The following CANX variants were observed in gnomAD, a reference collection of about 807,000 sequenced individuals.
The protein encoded by CANX is calnexin, also known as epididymis secretory sperm binding protein.
In CANX, 14 loss-of-function variants were observed where a neutral mutation model predicts 75.7. The observed-to-expected ratio is 0.19, with a 90% CI of 0.12 to 0.29. The LOEUF is 0.29. Ranked by LOEUF, CANX falls within the 10% of genes least tolerant of loss-of-function variation. CANX has a pLI of 1.00. For synonymous variants in CANX, 227 were observed against 236.9 expected (o/e 0.96, Z 0.38); for missense variants, 567 against 713.2 (o/e 0.79, Z 2.34).
At chr5:179,695,376 C>A (rs1304373021), upstream of CANX, among the ~76,000 whole-genome samples, 2 of 151,910 alleles carry the variant, frequency 1.3e-5, no homozygotes, top group Admixed American at 6.6e-5. Context: ...GTTGCCCAGG[C>A]TGGAGTGCAA....
intron 7 of CANX, among the ~76,000 whole-genome samples, chr5:179,714,813 G>C (rs1562493330): frequency 6.6e-6 from 1 of 152,074 alleles, no homozygotes; most frequent in South Asian, 2.1e-4. Flanking sequence ...CACTGCGCCC[G>C]GCCCTTTTTT....
At chr5:179,713,758 AAAAT>A (rs1777735303) in intron 7 of CANX, among the ~76,000 whole-genome samples, 3 of 151,568 alleles carry the variant, frequency 2.0e-5, no homozygotes, top group Admixed American at 1.3e-4. Flanking sequence ...TTCCTACAAA[AAAAT>A]AATTATTCAG....
intron 1 of CANX, among the ~76,000 whole-genome samples, chr5:179,691,902 C>T (rs957746692): frequency 2.0e-5 from 3 of 151,848 alleles, no homozygotes; most frequent in Non-Finnish European, 4.4e-5. Flanking sequence ...CTCAGCCTCC[C>T]GAGTAGCTGG....
upstream of CANX, chr5:179,694,216 A>G (rs1776351303): frequency 5.5e-6 from 2 of 361,040 alleles, no homozygotes; most frequent in Non-Finnish European, 1.0e-5. Context: ...GGTGACCCCA[A>G]GAAACCAAAG....
chr5:179,703,560 T>C (rs1310817500), intron 1 of CANX, among the ~76,000 whole-genome samples: 3 of 152,044 alleles, frequency 2.0e-5, no homozygotes, highest in African/African-American at 7.2e-5. Flanking sequence ...ACCTTAGCCT[T>C]CTTAGTATCT....
upstream of CANX, among the ~76,000 whole-genome samples, chr5:179,697,899 AAT>A (rs1471239644): frequency 1.3e-5 from 2 of 152,112 alleles, no homozygotes; most frequent in African/African-American, 2.4e-5. Flanking sequence ...AAAAAATAAA[AAT>A]AAAAAAAATT....
exon 1 of CANX, chr5:179,678,694 G>C (rs750194507): frequency 5.2e-6 from 8 of 1,536,718 alleles, no homozygotes; most frequent in East Asian, 2.4e-5. Context: ...GGATCACCTC[G>C]GGGTTGCGCT....
intron 4 of CANX, among the ~76,000 whole-genome samples, chr5:179,707,532 C>T (rs1232489718): frequency 2.8e-5 from 4 of 142,078 alleles, no homozygotes; most frequent in Admixed American, 7.6e-5. Context: ...TGCAGTGAGC[C>T]GAGAACGCGC....
At chr5:179,699,256 G>A (rs1243162385) in intron 1 of CANX, among the ~76,000 whole-genome samples, 154 bp downstream of exon 1, 1 of 152,152 alleles carries the variant, frequency 6.6e-6, no homozygotes, top group African/African-American at 2.4e-5. Flanking sequence ...CGCCGTGAGC[G>A]AGGAGGCCCG....
chr5:179,711,708 G>C (rs1777565273), intron 7 of CANX, among the ~76,000 whole-genome samples: 1 of 149,366 alleles, frequency 6.7e-6, no homozygotes, highest in East Asian at 2.0e-4. Flanking sequence ...AGAATTGCTT[G>C]AACCCTGGAA....
upstream of CANX, among the ~76,000 whole-genome samples, chr5:179,697,739 A>C (rs1227752279): frequency 1.3e-5 from 2 of 152,008 alleles, no homozygotes; most frequent in East Asian, 3.9e-4. Context: ...TAAAATACAA[A>C]AATTAGCCGG....
chr5:179,679,544 G>C (rs1293133907), intron 1 of CANX, among the ~76,000 whole-genome samples: 1 of 152,214 alleles, frequency 6.6e-6, no homozygotes, highest in Non-Finnish European at 1.5e-5. Flanking sequence ...TGAGGGGTAG[G>C]GAATGGTAGC....
intron 7 of CANX, among the ~76,000 whole-genome samples, chr5:179,714,138 A>G (rs1217394277): frequency 6.6e-6 from 1 of 152,120 alleles, no homozygotes; most frequent in Non-Finnish European, 1.5e-5. Flanking sequence ...AGTTGGGACT[A>G]TAGGCATGCG....
At chr5:179,714,518 A>T (rs894423507) in intron 7 of CANX, among the ~76,000 whole-genome samples, 2 of 149,478 alleles carry the variant, frequency 1.3e-5, no homozygotes, top group South Asian at 2.1e-4. Context: ...TTTTTTATTT[A>T]TTTTTATTTT....
At chr5:179,714,760 G>A (rs1016075769) in intron 7 of CANX, among the ~76,000 whole-genome samples, 5 of 152,058 alleles carry the variant, frequency 3.3e-5, no homozygotes, top group African/African-American at 9.6e-5. Flanking sequence ...CTCGTGATTC[G>A]CCCGTCTCGG....
chr5:179,706,319 G>A lies in CANX; in HGVS notation c.233G>A (p.Gly78Glu), dbSNP rs765797003. The A allele has an allele frequency of 3.8e-6, 6 of 1,576,210 alleles. No individual in the cohort carries two copies. The Admixed American group carries it at 6.7e-5, about 18-fold the overall frequency. Residue 78 changes from glycine (G) to glutamate (E), a missense_variant, in exon 3 of 15, where the codon GGA becomes GAA. Physicochemically the swap from Gly to Glu is moderately conservative, Grantham distance 98. This residue lies in a region of CANX where 351 missense variants were observed against 433.8 expected (regional missense o/e 0.81). Coordinates refer to ENST00000247461, the MANE Select transcript of CANX (RefSeq NM_001746.4). ...TATTTTGCTGATTCTTTTGACAGAG[G>A]AACTCTGTCAGGGTAAGTGTTTTCC... ...EVYFADSFDRGTLSGWILSKA... is the reference protein window; with the variant it reads ...EVYFADSFDRETLSGWILSKA...
intron 1 of CANX, 52 bp downstream of exon 1, chr5:179,699,154 C>T (rs947818625): frequency 1.7e-5 from 16 of 969,022 alleles, no homozygotes; most frequent in Non-Finnish European, 6.2e-6. Context: ...CCTCGGGGGG[C>T]TGGGAGCGCC....
At chr5:179,708,850 T>C in intron 5 of CANX, 128 bp from the exon 6 acceptor site, 2 of 507,218 alleles carry the variant, frequency 3.9e-6, no homozygotes, top group Non-Finnish European at 7.2e-6. Context: ...GAAGATGGAA[T>C]CCTTTGTAAG....
chr5:179,680,931 T>C, intron 1 of CANX: 1 of 1,535,842 alleles, frequency 6.5e-7, no homozygotes, highest in Non-Finnish European at 8.7e-7. Flanking sequence ...AGGCCCACCC[T>C]TGAGATTGTA....
Sources: allele counts gnomAD v4.1 joint callset (sites outside exome capture counted in the v4.1 genomes callset), GRCh38; gene constraint gnomAD v4.1.1; regional missense constraint gnomAD v4.1.1; transcripts MANE v1.5; gene names NCBI Gene and HGNC (gene_info 2026-07-23, HGNC 2026-07-21).